The following AGO3 variants were observed in gnomAD, a reference collection of about 807,000 sequenced individuals.
AGO3 encodes protein argonaute-3.
AGO3 carries 16 observed loss-of-function variants against 105.5 expected under a neutral mutation model. The ratio of observed to expected loss-of-function variants is 0.15; its 90% CI spans 0.10 to 0.23. The LOEUF is 0.23. Among genes scored for constraint, AGO3 ranks in the 10% least tolerant of loss-of-function variants. The pLI is 1.00. For missense variants in AGO3, 534 were observed against 1,088.0 expected (o/e 0.49, Z 7.16); for synonymous variants, 340 against 367.3 (o/e 0.93, Z 0.85).
intron 5 of AGO3, among the ~76,000 whole-genome samples, chr1:35,986,571 C>T (rs1446164517): frequency 6.6e-6 from 1 of 151,994 alleles, no homozygotes; most frequent in African/African-American, 2.4e-5. Flanking sequence ...CGTCTATAAT[C>T]CCAGCTACTT....
At position 36,061,422 on chromosome 1, in the gene AGO3, T is replaced by G. The variant is rs1387643027; in HGVS notation, c.*5677T>G. ...CCCATCAAAACTAGTACTCCAGATG[T>G]TTACATCATTGATTAAATCTCAAGA... On this transcript the variant is annotated 3_prime_UTR_variant, in exon 19 of 19. Transcript: ENST00000373191. 6.6e-6 allele frequency: 1 copy of G among 152,166 alleles called. No individual in the cohort carries two copies. The highest frequency in any genetic ancestry group is 1.5e-5 in the Non-Finnish European group (1 of 68,018). The allele number at this position is 152,166 out of a possible 1,614,324, so 9.4% of individuals were successfully genotyped here. A position where few individuals can be genotyped will look rare whatever the true frequency, so the allele number is the denominator to read the frequency against.
chr1:36,010,810 G>A (rs1266157879), intron 9 of AGO3, among the ~76,000 whole-genome samples: 2 of 151,608 alleles, frequency 1.3e-5, no homozygotes, highest in Non-Finnish European at 2.9e-5. Flanking sequence ...GGAGGCTGAG[G>A]CAGGAGAATC....
intron 3 of AGO3, among the ~76,000 whole-genome samples, chr1:35,967,374 G>A (rs1450802126): frequency 6.6e-6 from 1 of 151,272 alleles, no homozygotes; most frequent in Non-Finnish European, 1.5e-5. Context: ...TCACAAGTAG[G>A]TTGCACATAC....
intron 14 of AGO3, among the ~76,000 whole-genome samples, chr1:36,037,531 A>C (rs1270569024): frequency 1.3e-5 from 2 of 152,206 alleles, no homozygotes; most frequent in East Asian, 3.8e-4. Flanking sequence ...AAAACAAAAA[A>C]AAAGATTTAA....
At chr1:36,003,860 A>T (rs1291356353) in intron 5 of AGO3, among the ~76,000 whole-genome samples, 1 of 151,292 alleles carries the variant, frequency 6.6e-6, no homozygotes, top group East Asian at 1.9e-4. Flanking sequence ...AGCCTTGTTT[A>T]AGAAATAATA....
Position 36,043,486 on chromosome 1 carries a change from G to A in AGO3, c.2212G>A (p.Asp738Asn). Residue 738 changes from aspartate (D) to asparagine (N), a missense_variant, in exon 17 of 19, where the codon GAT becomes AAT. Physicochemically the swap from Asp to Asn is conservative, Grantham distance 23. Coordinates refer to ENST00000373191, the MANE Select transcript of AGO3 (RefSeq NM_024852.4). ...CAATATCCCAGCTGGAACAACAGTT[G>A]ATACAGACATTACACACCCATATGA... is the stretch of plus-strand genomic sequence containing the variant. Reference protein sequence around the residue: ...SGNIPAGTTVDTDITHPYEFD... With the variant: ...SGNIPAGTTVNTDITHPYEFD... 1 of 1,613,906 alleles carries A rather than the reference G, an allele frequency of 6.2e-7. No homozygotes were observed. The highest frequency in any genetic ancestry group is 8.5e-7 in the Non-Finnish European group (1 of 1,179,940).
At chr1:36,028,045 G>A (rs897703904) in intron 12 of AGO3, among the ~76,000 whole-genome samples, 3 of 151,802 alleles carry the variant, frequency 2.0e-5, no homozygotes, top group African/African-American at 7.3e-5. Context: ...ATGTATGTAT[G>A]TGGTGTGTAT....
chr1:35,952,133 TTTC>T (rs1646482346), intron 2 of AGO3, among the ~76,000 whole-genome samples: 1 of 115,172 alleles, frequency 8.7e-6, no homozygotes, highest in African/African-American at 4.1e-5. Flanking sequence ...TCTTTCTTTC[TTTC>T]TTTCTTTCTT....
At chr1:35,964,153 A>G (rs979814161) in intron 2 of AGO3, among the ~76,000 whole-genome samples, 1 of 152,134 alleles carries the variant, frequency 6.6e-6, no homozygotes, top group Non-Finnish European at 1.5e-5. Context: ...ATATATATGT[A>G]TTTAAGTTCA....
intron 5 of AGO3, among the ~76,000 whole-genome samples, chr1:35,996,769 CA>C (rs112237843): frequency 0.012 from 1,363 of 116,142 alleles, 7 homozygotes; most frequent in Non-Finnish European, 0.017. Flanking sequence ...AACTCCATCT[CA>C]AAAAAAAAAA....
At chr1:35,965,267 G>A (rs1018372020) in intron 2 of AGO3, among the ~76,000 whole-genome samples, 2 of 151,850 alleles carry the variant, frequency 1.3e-5, no homozygotes, top group Non-Finnish European at 2.9e-5. Flanking sequence ...CGAGGCGGGC[G>A]GATCACCAGG....
At chr1:36,013,603 GTAAC>G in intron 9 of AGO3, 23 bp from the exon 10 acceptor site, 1 of 1,610,946 alleles carries the variant, frequency 6.2e-7, no homozygotes, top group Non-Finnish European at 8.5e-7. Context: ...AATTTTGAGA[GTAAC>G]TACAAACTTT....
chr1:36,003,705 A>AT (rs1287764580), intron 5 of AGO3, among the ~76,000 whole-genome samples: 8 of 123,572 alleles, frequency 6.5e-5, no homozygotes, highest in East Asian at 2.9e-4. Context: ...AAAAAAAAAA[A>AT]AAAAATATAT....
chr1:35,940,358 C>T (rs890926766), intron 1 of AGO3, among the ~76,000 whole-genome samples: 1 of 152,176 alleles, frequency 6.6e-6, no homozygotes, highest in Admixed American at 6.5e-5. Flanking sequence ...TGAGCCACCA[C>T]GCCCAGCCTA....
chr1:35,943,292 C>A (rs1288015961), intron 1 of AGO3, among the ~76,000 whole-genome samples: 1 of 148,560 alleles, frequency 6.7e-6, no homozygotes, highest in African/African-American at 2.5e-5. Flanking sequence ...ACAGGCGTGC[C>A]ATGCCCATCT....
rs1299999302 is a variant in AGO3 at position 36,062,976 on chromosome 1, ATGCAACTTTTATATTT to A, written c.*7235_*7250del. ...ATGTTTATATTTATTGGCAATTTGT[ATGCAACTTTTATATTT>A]TGCTTGTCGGTTTTAAGGTATTTTA... On this transcript the variant is annotated 3_prime_UTR_variant, in exon 19 of 19. Coordinates refer to ENST00000373191, the MANE Select transcript of AGO3 (RefSeq NM_024852.4). 6.6e-6 allele frequency: 1 copy of A among 152,158 alleles called. No individual in the cohort carries two copies. Among genetic ancestry groups the A allele is most frequent in the Admixed American group, 6.6e-5 (1 of 15,266 alleles). 9.4% of individuals were successfully genotyped at this position (152,158 alleles called of 1,614,324 possible).
At chr1:35,957,655 G>A (rs1646595353) in intron 2 of AGO3, among the ~76,000 whole-genome samples, 1 of 151,996 alleles carries the variant, frequency 6.6e-6, no homozygotes, top group Non-Finnish European at 1.5e-5. Context: ...GAACCTGGGA[G>A]GTGAAGGTTG....
chr1:35,935,112 TA>T (rs1427264237), intron 1 of AGO3, among the ~76,000 whole-genome samples: 4 of 152,170 alleles, frequency 2.6e-5, no homozygotes, highest in East Asian at 1.9e-4. Context: ...CATTATGACT[TA>T]AAAAAAATAT....
chr1:36,019,025 A>G (rs549456566), intron 11 of AGO3, among the ~76,000 whole-genome samples: 6 of 152,206 alleles, frequency 3.9e-5, no homozygotes, highest in African/African-American at 1.4e-4. Context: ...GTGAGATTAC[A>G]AACCCAAGCT....
Sources: allele counts gnomAD v4.1 joint callset (sites outside exome capture counted in the v4.1 genomes callset), GRCh38; gene constraint gnomAD v4.1.1; transcripts MANE v1.5; gene names NCBI Gene and HGNC (gene_info 2026-07-23, HGNC 2026-07-21).